The following CCDC93 variants were observed in gnomAD, a reference collection of about 807,000 sequenced individuals.
CCDC93 encodes the protein CCC complex scaffolding subunit CCDC93.
Under a neutral mutation model 108.2 loss-of-function variants are expected in CCDC93, and 61 were observed. The ratio of observed to expected loss-of-function variants is 0.56; its 90% CI spans 0.46 to 0.70. The LOEUF is 0.70. CCDC93 is among the 30% of genes least tolerant of loss of function. CCDC93 has a pLI of 0.00. For missense variants in CCDC93, 685 were observed against 764.2 expected, an observed-to-expected ratio of 0.90 and a Z score of 1.22; for synonymous variants, 276 against 260.4, an observed-to-expected ratio of 1.06 and a Z score of -0.58.
chr2:117,976,661 T>C (rs1028724510), intron 8 of CCDC93, among the ~76,000 whole-genome samples: 1 of 152,208 alleles, frequency 6.6e-6, no homozygotes, highest in African/African-American at 2.4e-5. Flanking sequence ...TTACAGATGC[T>C]GTCAACTAAT....
At chr2:117,951,274 C>G (rs3771942) in intron 13 of CCDC93, 583,812 of 984,960 alleles carry the variant, frequency 0.59, 173,812 homozygotes, top group African/African-American at 0.61. Flanking sequence ...CGTAAGGAAC[C>G]CAGTCACAGA....
chr2:118,010,804 G>A (rs1343052930), intron 1 of CCDC93, among the ~76,000 whole-genome samples: 1 of 152,034 alleles, frequency 6.6e-6, no homozygotes, highest in Non-Finnish European at 1.5e-5. Flanking sequence ...TCAAGACAAG[G>A]CCATGGCTAT....
chr2:117,957,462 G>A (rs1044794250), intron 12 of CCDC93, among the ~76,000 whole-genome samples: 8 of 152,118 alleles, frequency 5.3e-5, no homozygotes, highest in Non-Finnish European at 8.8e-5. Flanking sequence ...AGCAGTCCAC[G>A]TCTAGACTAT....
intron 12 of CCDC93, among the ~76,000 whole-genome samples, chr2:117,954,413 T>C (rs1679155428): frequency 6.6e-6 from 1 of 152,152 alleles, no homozygotes; most frequent in Non-Finnish European, 1.5e-5. Context: ...GGCTCATCTC[T>C]TTTCTTTTCT....
At position 117,918,069 on chromosome 2, in the gene CCDC93, C is replaced by T. The variant is rs866413522; in HGVS notation, c.*2274G>A. ...TGTCTAAGCACACAGAGCCATAGCC[C>T]TGGGAAGATGACCCCTTCTGGTGCT... On this transcript the variant is annotated 3_prime_UTR_variant, in exon 24 of 24. Transcript: ENST00000376300. The T allele has an allele frequency of 2.0e-5, 3 of 152,220 alleles. No homozygotes were observed. The highest frequency in any genetic ancestry group is 4.4e-5 in the Non-Finnish European group (3 of 68,064). 9.4% of individuals were successfully genotyped at this position (152,220 alleles called of 1,614,324 possible).
intron 5 of CCDC93, chr2:117,995,755 T>A (rs1193697344): frequency 2.7e-6 from 1 of 370,344 alleles, no homozygotes; most frequent in African/African-American, 2.1e-5. Flanking sequence ...AGACGAGAGT[T>A]CTCATTTCAA....
intron 3 of CCDC93, among the ~76,000 whole-genome samples, chr2:118,003,044 A>G (rs1369451144): frequency 2.0e-5 from 3 of 152,174 alleles, no homozygotes; most frequent in Admixed American, 1.3e-4. Flanking sequence ...TCTTAAAACA[A>G]AACAAAACAA....
intron 6 of CCDC93, among the ~76,000 whole-genome samples, chr2:117,990,591 T>C (rs1288099827): frequency 1.4e-5 from 2 of 145,768 alleles, no homozygotes; most frequent in East Asian, 4.0e-4. Flanking sequence ...AATAAAAGAA[T>C]AAATTTAGCT....
intron 17 of CCDC93, among the ~76,000 whole-genome samples, chr2:117,945,123 G>C (rs908215373): frequency 6.6e-6 from 1 of 152,208 alleles, no homozygotes; most frequent in African/African-American, 2.4e-5. Context: ...GTTACTATGT[G>C]CACCTTTATA....
intron 11 of CCDC93, among the ~76,000 whole-genome samples, chr2:117,965,299 T>G (rs934332476): frequency 7.9e-5 from 12 of 152,126 alleles, no homozygotes; most frequent in African/African-American, 2.9e-4. Context: ...TTTTTTGAGT[T>G]GGGCAGGATG....
chr2:117,987,535 G>A (rs1003394822), intron 6 of CCDC93, among the ~76,000 whole-genome samples: 2 of 152,184 alleles, frequency 1.3e-5, no homozygotes, highest in African/African-American at 4.8e-5. Flanking sequence ...CAAGAATGCT[G>A]ATGTCTAGCC....
At chr2:117,928,403 A>C (rs1314354955) in intron 23 of CCDC93, among the ~76,000 whole-genome samples, 1 of 152,230 alleles carries the variant, frequency 6.6e-6, no homozygotes, top group Non-Finnish European at 1.5e-5. Context: ...ATGAACTCAA[A>C]ACAAATTCAC....
chr2:118,011,789 G>A (rs538801303), intron 1 of CCDC93, among the ~76,000 whole-genome samples: 2 of 152,276 alleles, frequency 1.3e-5, no homozygotes, highest in East Asian at 1.9e-4. Context: ...GCATGGAGAA[G>A]TTTACTTTTG....
At chr2:117,980,694 C>T (rs1466491932) in intron 7 of CCDC93, among the ~76,000 whole-genome samples, 1 of 152,196 alleles carries the variant, frequency 6.6e-6, no homozygotes, top group African/African-American at 2.4e-5. Flanking sequence ...ATTTTAAAAA[C>T]TGACATAATT....
intron 6 of CCDC93, among the ~76,000 whole-genome samples, chr2:117,990,314 C>G (rs1680439062): frequency 6.6e-6 from 1 of 152,166 alleles, no homozygotes; most frequent in Non-Finnish European, 1.5e-5. Flanking sequence ...GTTGGGCAGG[C>G]CTTCTACAAA....
chr2:117,983,979 C>T (rs1680237436), intron 7 of CCDC93, among the ~76,000 whole-genome samples: 1 of 152,098 alleles, frequency 6.6e-6, no homozygotes, highest in Non-Finnish European at 1.5e-5. Context: ...TAATGACATG[C>T]TTTTGAAGTT....
chr2:117,925,805 C>G (rs1292384028), intron 23 of CCDC93, among the ~76,000 whole-genome samples: 2 of 152,222 alleles, frequency 1.3e-5, no homozygotes, highest in African/African-American at 4.8e-5. Flanking sequence ...CCCAAATCAA[C>G]AGAATATACA....
At chr2:117,958,013 G>T (rs1255704679) in intron 12 of CCDC93, among the ~76,000 whole-genome samples, 1 of 152,198 alleles carries the variant, frequency 6.6e-6, no homozygotes, top group Admixed American at 6.5e-5. Context: ...CTAGCACACA[G>T]TAGTGCTCGG....
At chr2:117,952,916 A>G (rs1043619243) in intron 12 of CCDC93, among the ~76,000 whole-genome samples, 8 of 152,250 alleles carry the variant, frequency 5.3e-5, no homozygotes, top group African/African-American at 1.9e-4. Flanking sequence ...GATGACACAT[A>G]GAAGATAGGA....
Sources: allele counts gnomAD v4.1 joint callset (sites outside exome capture counted in the v4.1 genomes callset), GRCh38; gene constraint gnomAD v4.1.1; transcripts MANE v1.5; gene names NCBI Gene and HGNC (gene_info 2026-07-23, HGNC 2026-07-21).